Variants in MYO1A observed in about 807,000 individuals in gnomAD.
The protein encoded by MYO1A is myosin IA.
A neutral mutation model predicts 138.5 loss-of-function variants in MYO1A; 127 were observed. The ratio of observed to expected loss-of-function variants is 0.92; its 90% CI spans 0.79 to 1.06. MYO1A has a LOEUF of 1.06. Among genes scored for constraint, MYO1A ranks in the 50% least tolerant of loss-of-function variants. The probability of loss-of-function intolerance (pLI) is 0.00; values close to 1 mark genes in which losing one functional copy is unlikely to be tolerated. For synonymous variants in MYO1A, 477 were observed against 497.5 expected (o/e 0.96, Z 0.55); for missense variants, 1,211 against 1,288.8 (o/e 0.94, Z 0.92).
At chr12:57,037,192 T>C in intron 19 of MYO1A, 101 bp from the exon 20 acceptor site, 1 of 1,407,766 alleles carries the variant, frequency 7.1e-7, no homozygotes. Flanking sequence ...CCAGGCCTTA[T>C]TTGATCATTC....
rs551415883 is a variant in MYO1A, at chr12:57,030,966, G to A, written c.2484+74C>T. ...TTTAATGGGAAAAAAATAGAAGAGG[G>A]AGGCAAAAGAGGAAAATCAGGGGGA... On this transcript the variant is annotated intron_variant, in intron 23 of 27. Coordinates refer to ENST00000300119, the MANE Select transcript of MYO1A (RefSeq NM_005379.4). 2.9e-5 allele frequency: 45 copies of A among 1,569,750 alleles called. No individual in the cohort carries two copies. In the African/African-American group the frequency reaches 5.7e-4, roughly 20 times the overall value.
intron 22 of MYO1A, 25 bp from the exon 23 acceptor site, chr12:57,031,199 G>A: frequency 6.2e-7 from 1 of 1,614,046 alleles, no homozygotes; most frequent in Non-Finnish European, 8.5e-7. Context: ...GGGGGATTGG[G>A]AGTGGAGTGA....
At chr12:57,049,743 G>A (rs1470512955) in intron 1 of MYO1A, 144 bp downstream of exon 1, 1 of 152,216 alleles carries the variant, frequency 6.6e-6, no homozygotes, top group Non-Finnish European at 1.5e-5. Context: ...GGTGGGTTGG[G>A]AGCAGTCATC....
At chr12:57,042,271 G>A (rs1320376618) in intron 12 of MYO1A, among the ~76,000 whole-genome samples, 1 of 152,140 alleles carries the variant, frequency 6.6e-6, no homozygotes, top group Non-Finnish European at 1.5e-5. Context: ...CTTTCACTCA[G>A]CATAATGTTT....
chr12:57,029,790 G>GC lies in MYO1A; in HGVS notation c.2673dup (p.Pro892AlafsTer63), dbSNP rs777541281. The GC allele has an allele frequency of 2.5e-6, 4 of 1,614,020 alleles. No individual in the cohort carries two copies. The African/African-American group carries it at 5.3e-5, about 22-fold the overall frequency. On this transcript the variant is annotated frameshift_variant, in exon 25 of 28. Coordinates refer to ENST00000300119, the MANE Select transcript of MYO1A (RefSeq NM_005379.4). LOFTEE classifies it high-confidence loss of function. ...TTCACGGCCTCTGCCATCAGAACAG[G>GC]CCCCTCCTCCCCGCCTTTCAGCTTC...
At chr12:57,037,826 G>T in intron 18 of MYO1A, 43 bp downstream of exon 18, 1 of 1,602,324 alleles carries the variant, frequency 6.2e-7, no homozygotes, top group Non-Finnish European at 8.5e-7. Context: ...GATGTTTCCT[G>T]CACTGCCCTT....
At chr12:57,039,524 C>A in intron 14 of MYO1A, 1 of 519,696 alleles carries the variant, frequency 1.9e-6, no homozygotes, top group Non-Finnish European at 3.5e-6. Flanking sequence ...GCAGAGATCC[C>A]TGTAGGTGGT....
chr12:57,047,139 C>G, intron 5 of MYO1A, 32 bp from the exon 6 acceptor site: 2 of 1,613,146 alleles, frequency 1.2e-6, no homozygotes, highest in Non-Finnish European at 1.7e-6. Flanking sequence ...AAGTGAAACT[C>G]TAGAGAAGGG....
rs573190348 is a variant in MYO1A, at chr12:57,029,578, G to A, written c.2734C>T (p.Arg912Trp). The change falls in exon 26 of 28, where the codon CGG becomes TGG. Residue 912 changes from arginine to tryptophan, a missense_variant. Arg to Trp is a moderately radical substitution (Grantham distance 101). Transcript: ENST00000300119. ...TGGCCCTTGGTCAGGAGGAGAATCC[G>A]AGAAGAAGTCTAGGGACGGAACAGG... The part of the protein sequence containing the change: ...VNRGNGKTSS[R>W]ILLLTKGHVI... 62 of 1,614,206 alleles carry A rather than the reference G, an allele frequency of 3.8e-5. No individual in the cohort carries two copies. Among genetic ancestry groups the A allele is most frequent in the South Asian group, 3.4e-4 (31 of 91,080 alleles).
chr12:57,038,122 T>C, intron 17 of MYO1A, 53 bp from the exon 18 acceptor site: 1 of 1,589,562 alleles, frequency 6.3e-7, no homozygotes, highest in Non-Finnish European at 8.6e-7. Context: ...TCATTGCCAG[T>C]GTAACCCATC....
In MYO1A at chr12:57,046,881, C is replaced by T. The variant is rs965086594; in HGVS notation, c.523G>A (p.Gly175Ser). ...CACGTACAGTTTGTGATGACACCAC[C>T]GAGGGGGGATCCCTTGAAGTCAAAT... The part of the protein sequence containing the change: ...IEFDFKGSPL[G>S]GVITNYLLEK... Residue 175 changes from glycine (G) to serine (S), a missense_variant, in exon 7 of 28, where the codon GGT becomes AGT. Transcript: ENST00000300119. 30 of 1,613,948 alleles carry T rather than the reference C, an allele frequency of 1.9e-5. No homozygotes were observed. Among genetic ancestry groups the T allele is most frequent in the Admixed American group, 5.0e-5 (3 of 59,988 alleles).
At position 57,036,972 on chromosome 12, in the gene MYO1A, G is replaced by A. The variant is rs1244280967; in HGVS notation, c.2175C>T (p.Ile725=). The A allele has an allele frequency of 6.2e-7, 1 of 1,614,194 alleles. No homozygotes were observed. The highest frequency in any genetic ancestry group is 8.5e-7 in the Non-Finnish European group (1 of 1,180,030). ...TTCCCCGAAACCAAGAGGAGATGAG[G>A]ATCTGACTCTTTCGCATCAGTTGGT... is the stretch of plus-strand genomic sequence containing the variant. ...THYQLMRKSQ[I]LISSWFRGNM... Residue 725 remains isoleucine, a synonymous_variant, in exon 20 of 28, where the codon ATC becomes ATT. Transcript: ENST00000300119.
rs773448357 is a variant in MYO1A, at chr12:57,043,377, AC to A, written c.893-20del. On this transcript the variant is annotated intron_variant, in intron 10 of 27. Transcript: ENST00000300119. ...CGAACACCTGGGATAATGAGAAAGT[AC>A]AGCATGTCCTTAGAGGCAGCTTTCT... 1 of 1,608,836 alleles carries A rather than the reference AC, an allele frequency of 6.2e-7. No homozygotes were observed. The highest frequency in any genetic ancestry group is 1.1e-5 in the South Asian group (1 of 90,976).
chr12:57,050,788 C>T (rs60552096), upstream of MYO1A: 2 of 152,102 alleles, frequency 1.3e-5, no homozygotes, highest in African/African-American at 2.4e-5. Flanking sequence ...AGCACCACCC[C>T]GAGGAAGGCA....
intron 5 of MYO1A, 72 bp from the exon 6 acceptor site, chr12:57,047,179 C>T (rs1370176331): frequency 6.3e-7 from 1 of 1,598,166 alleles, no homozygotes; most frequent in Non-Finnish European, 8.6e-7. Context: ...GTCCTCATGA[C>T]AATCTCAGAT....
chr12:57,047,456 C>G (rs2031156363), intron 4 of MYO1A, 49 bp from the exon 5 acceptor site: 2 of 1,562,176 alleles, frequency 1.3e-6, no homozygotes, highest in Non-Finnish European at 1.8e-6. Flanking sequence ...ACTAGCCCAT[C>G]CCCCCACCTC....
At chr12:57,039,711 C>T (rs932171301) in intron 14 of MYO1A, among the ~76,000 whole-genome samples, 2 of 152,180 alleles carry the variant, frequency 1.3e-5, no homozygotes, top group Non-Finnish European at 2.9e-5. Context: ...GATACATCTT[C>T]AAAGATCTAC....
chr12:57,047,203 AC>A, intron 5 of MYO1A, 96 bp from the exon 6 acceptor site: 1 of 1,585,406 alleles, frequency 6.3e-7, no homozygotes, highest in Admixed American at 1.7e-5. Flanking sequence ...TCTGGGTCGA[AC>A]AAGAGAGGTG....
In MYO1A at chr12:57,032,000, C is replaced by T. The variant is rs1180370524; in HGVS notation, c.2350-826G>A. Among the ~76,000 whole-genome samples the T allele has an allele frequency of 3.3e-5, 5 of 152,336 alleles. No individual in the cohort carries two copies. The East Asian group carries it at 7.7e-4, about 24-fold the overall frequency. On this transcript the variant is annotated intron_variant, in intron 22 of 27. Coordinates refer to ENST00000300119, the MANE Select transcript of MYO1A (RefSeq NM_005379.4). ...CCCTGCATTCCCTGGGCACACCACC[C>T]GGACAGGACTCTTTCCCATGCCCCT...
Sources: allele counts gnomAD v4.1 joint callset (sites outside exome capture counted in the v4.1 genomes callset), GRCh38; gene constraint gnomAD v4.1.1; transcripts MANE v1.5; gene names NCBI Gene and HGNC (gene_info 2026-07-23, HGNC 2026-07-21).